The following CENPP variants were observed in gnomAD, a reference collection of about 807,000 sequenced individuals.
CENPP encodes the protein centromere protein P.
A neutral mutation model predicts 35.6 loss-of-function variants in CENPP; 24 were observed. The ratio of observed to expected loss-of-function variants is 0.67; its 90% CI spans 0.49 to 0.95. The LOEUF is 0.95. CENPP is among the 40% of genes least tolerant of loss of function. The probability of loss-of-function intolerance (pLI) is 0.00; values close to 1 mark genes in which losing one functional copy is unlikely to be tolerated. For synonymous variants in CENPP, 120 were observed against 125.5 expected (o/e 0.96, Z 0.29); for missense variants, 332 against 345.3 (o/e 0.96, Z 0.31).
At chr9:92,566,193 C>T (rs577722815) in intron 5 of CENPP, among the ~76,000 whole-genome samples, 24 of 151,082 alleles carry the variant, frequency 1.6e-4, no homozygotes, top group Non-Finnish European at 2.1e-4. Flanking sequence ...CCCAGCTACT[C>T]GGGAGGCTGA....
chr9:92,539,690 A>G (rs1849272308), intron 5 of CENPP, among the ~76,000 whole-genome samples: 1 of 152,168 alleles, frequency 6.6e-6, no homozygotes, highest in Non-Finnish European at 1.5e-5. Flanking sequence ...ACTTTGTTCT[A>G]GGACTGACCT....
intron 5 of CENPP, chr9:92,501,003 G>A: frequency 1.2e-6 from 2 of 1,614,174 alleles, no homozygotes; most frequent in Non-Finnish European, 1.7e-6. Context: ...GGGTAGATAG[G>A]ACGGGACGTG....
At chr9:92,395,451 G>GT (rs1262497000) in intron 5 of CENPP, among the ~76,000 whole-genome samples, 7 of 152,038 alleles carry the variant, frequency 4.6e-5, no homozygotes, top group African/African-American at 7.3e-5. Flanking sequence ...TTGTTTCCAG[G>GT]TTTTCACTAT....
intron 5 of CENPP, chr9:92,393,111 C>G (rs2130903391): frequency 6.2e-7 from 1 of 1,613,490 alleles, no homozygotes; most frequent in South Asian, 1.1e-5. Flanking sequence ...CTTTGGCAGT[C>G]AGCTTTTTAA....
intron 5 of CENPP, among the ~76,000 whole-genome samples, chr9:92,543,416 GAGC>G (rs983881619): frequency 3.0e-5 from 4 of 135,076 alleles, no homozygotes; most frequent in African/African-American, 8.4e-5. Flanking sequence ...AGGTTGCAGT[GAGC>G]AGAAATCTCA....
intron 5 of CENPP, among the ~76,000 whole-genome samples, chr9:92,430,740 C>T (rs991357062): frequency 2.0e-5 from 3 of 151,988 alleles, no homozygotes; most frequent in African/African-American, 7.2e-5. Context: ...TCCTTGATTT[C>T]CACTGTTCAT....
chr9:92,408,773 C>T (rs1487746724), intron 5 of CENPP, among the ~76,000 whole-genome samples: 1 of 152,166 alleles, frequency 6.6e-6, no homozygotes, highest in Non-Finnish European at 1.5e-5. Flanking sequence ...TGTCTCCAGA[C>T]ATTGCCAGCT....
chr9:92,462,104 A>C (rs1845138080), intron 5 of CENPP, among the ~76,000 whole-genome samples: 1 of 151,988 alleles, frequency 6.6e-6, no homozygotes, highest in Non-Finnish European at 1.5e-5. Flanking sequence ...CAGCCTCCCA[A>C]GTAGCTGGGA....
At chr9:92,549,989 G>A (rs11791339) in intron 5 of CENPP, among the ~76,000 whole-genome samples, 16,242 of 152,138 alleles carry the variant, frequency 0.11, 944 homozygotes, top group Middle Eastern at 0.15. Flanking sequence ...CCTTGAAGTC[G>A]CAGGTAACTA....
At chr9:92,505,778 C>A in intron 5 of CENPP, 2 of 1,111,936 alleles carry the variant, frequency 1.8e-6, no homozygotes, top group Non-Finnish European at 2.5e-6. Context: ...GTGAAATGGC[C>A]GGTTTATTTG....
chr9:92,615,860 T>C lies in CENPP; in HGVS notation c.*2711T>C. On this transcript the variant is annotated 3_prime_UTR_variant, in exon 8 of 8. Transcript: ENST00000375587. ...GACCTTGTGGAGAACTAATGTGCAATCTTCGCTTTCCTTGAACCGAGTCGA... is the reference window on the plus strand; with the variant it reads ...GACCTTGTGGAGAACTAATGTGCAACCTTCGCTTTCCTTGAACCGAGTCGA... 6.2e-7 allele frequency: 1 copy of C among 1,614,082 alleles called. No homozygotes were observed.
Position 92,495,665 on chromosome 9 carries a change from C to A in CENPP, c.565-115649C>A, listed in dbSNP as rs775648997. 7 of 887,930 alleles carry A rather than the reference C, an allele frequency of 7.9e-6. No homozygotes were observed. In the Admixed American group the frequency reaches 3.7e-4, roughly 47 times the overall value. 55.0% of individuals were successfully genotyped at this position (887,930 alleles called of 1,614,324 possible). Reference sequence around the variant, plus strand: ...TCAAAAAGAGTATAGAATTTATGCACACCCTTCTGCCAGCTTTCCTTAATG... The same window carrying A: ...TCAAAAAGAGTATAGAATTTATGCAAACCCTTCTGCCAGCTTTCCTTAATG... On this transcript the variant is annotated intron_variant, in intron 5 of 7. Transcript: ENST00000375587.
intron 5 of CENPP, among the ~76,000 whole-genome samples, chr9:92,416,072 T>TATATATATATATATATATATATATA (rs368634649): frequency 1.6e-5 from 2 of 125,408 alleles, no homozygotes; most frequent in Non-Finnish European, 3.3e-5. Flanking sequence ...ATATATATAT[T>TATATATATATATATATATATATATA]TATTTATTTA....
intron 5 of CENPP, among the ~76,000 whole-genome samples, chr9:92,445,471 G>T (rs1240133821): frequency 2.0e-5 from 3 of 152,088 alleles, no homozygotes; most frequent in Non-Finnish European, 2.9e-5. Context: ...CCACCTTGGA[G>T]CCTGACAAGA....
At chr9:92,455,578 T>C (rs1225158340) in intron 5 of CENPP, among the ~76,000 whole-genome samples, 1 of 152,090 alleles carries the variant, frequency 6.6e-6, no homozygotes, top group Non-Finnish European at 1.5e-5. Flanking sequence ...TAAGACTTTA[T>C]TTACCCATTC....
At chr9:92,386,611 A>C (rs921674585) in intron 5 of CENPP, among the ~76,000 whole-genome samples, 7 of 152,048 alleles carry the variant, frequency 4.6e-5, no homozygotes, top group African/African-American at 1.4e-4. Context: ...GTTTGTCTTG[A>C]TAGGAACTAA....
At position 92,615,705 on chromosome 9, in the gene CENPP, A is replaced by G. The variant is rs1851407791; in HGVS notation, c.*2556A>G. The G allele has an allele frequency of 1.5e-6, 1 of 683,370 alleles. No homozygotes were observed. 42.3% of individuals were successfully genotyped at this position (683,370 alleles called of 1,614,324 possible). A position where few individuals can be genotyped will look rare whatever the true frequency, so the allele number is the denominator to read the frequency against. On this transcript the variant is annotated 3_prime_UTR_variant, in exon 8 of 8. Transcript: ENST00000375587. Reference sequence around the variant, plus strand: ...TTCAATTCCATGTCTCCAAGAGGCAATCCCACCTCAAAAGGGGTTAAAAGC... The same window carrying G: ...TTCAATTCCATGTCTCCAAGAGGCAGTCCCACCTCAAAAGGGGTTAAAAGC...
At chr9:92,547,687 G>T (rs575059622) in intron 5 of CENPP, among the ~76,000 whole-genome samples, 1 of 152,188 alleles carries the variant, frequency 6.6e-6, no homozygotes, top group Non-Finnish European at 1.5e-5. Context: ...CTGTTAATGG[G>T]TACAGGGTTT....
At chr9:92,477,191 C>T (rs931262053) in intron 5 of CENPP, among the ~76,000 whole-genome samples, 3 of 152,146 alleles carry the variant, frequency 2.0e-5, no homozygotes, top group African/African-American at 7.2e-5. Context: ...GTTGATGTTT[C>T]GTATTCCAGT....
Sources: gnomAD v4.1 joint callset for allele counts (sites outside exome capture counted in the v4.1 genomes callset) on GRCh38, gnomAD v4.1.1 for gene constraint, MANE v1.5 for transcripts, NCBI Gene and HGNC (gene_info 2026-07-23, HGNC 2026-07-21) for gene names.